The following MICU3 variants were observed in gnomAD, a reference collection of about 807,000 sequenced individuals.
The protein encoded by MICU3 is mitochondrial calcium uptake 3, also known as calcium uptake protein 3, mitochondrial.
Under a neutral mutation model 66.5 loss-of-function variants are expected in MICU3, and 62 were observed. The observed-to-expected ratio is 0.93, with a 90% CI of 0.76 to 1.15. MICU3 has a LOEUF of 1.15. Ranked by LOEUF, MICU3 falls within the 50% of genes most tolerant of loss-of-function variation. MICU3 has a pLI of 0.00. For synonymous variants in MICU3, 308 were observed against 240.7 expected (o/e 1.28, Z -2.59); for missense variants, 779 against 664.4 (o/e 1.17, Z -1.90).
chr8:17,098,035 T>C (rs1036990176), intron 8 of MICU3, among the ~76,000 whole-genome samples: 3 of 151,758 alleles, frequency 2.0e-5, no homozygotes, highest in Admixed American at 6.6e-5. Context: ...TTTGATACAC[T>C]AGCAAGATAA....
chr8:17,062,123 A>C (rs1365737553), intron 1 of MICU3, among the ~76,000 whole-genome samples: 1 of 152,124 alleles, frequency 6.6e-6, no homozygotes, highest in Non-Finnish European at 1.5e-5. Flanking sequence ...TCCTTTTACT[A>C]CACTTCTCCA....
At position 17,077,773 on chromosome 8, in the gene MICU3, T is replaced by A; in HGVS notation, c.568-10T>A. The A allele has an allele frequency of 6.3e-7, 1 of 1,598,254 alleles. No homozygotes were observed. The highest frequency in any genetic ancestry group is 2.2e-5 in the East Asian group (1 of 44,666). ...TTACCAATTCATCAGTAGTATAACT[T>A]CTGTCATAGGAATTAAATCAAATGC... On this transcript the variant is annotated splice_polypyrimidine_tract_variant and intron_variant, in intron 3 of 14. Transcript: ENST00000318063.
intron 5 of MICU3, among the ~76,000 whole-genome samples, chr8:17,083,760 C>A (rs757257089): frequency 6.6e-6 from 1 of 152,040 alleles, no homozygotes. Context: ...ATGATGCTAT[C>A]CTGAGAATGA....
intron 1 of MICU3, among the ~76,000 whole-genome samples, chr8:17,033,144 C>G (rs991555330): frequency 6.6e-6 from 1 of 152,152 alleles, no homozygotes. Flanking sequence ...GGAAGAGTTG[C>G]ACATCTCTCA....
At position 17,049,529 on chromosome 8, in the gene MICU3, A is replaced by G. The variant is rs117998062; in HGVS notation, c.382-14555A>G. 3,324 of 503,350 alleles carry G rather than the reference A, an allele frequency of 6.6e-3. 19 individuals carry two copies. Among genetic ancestry groups the G allele is most frequent in the Non-Finnish European group, 8.9e-3 (2,253 of 252,712 alleles). The allele number at this position is 503,350 out of a possible 1,614,324, so 31.2% of individuals were successfully genotyped here. A position where few individuals can be genotyped will look rare whatever the true frequency, so the allele number is the denominator to read the frequency against. On this transcript the variant is annotated intron_variant, in intron 1 of 14. Transcript: ENST00000318063. ...GGCTTAGTATTTATTTGTCCATTTT[A>G]TAGTTGAAAATGCTAAAGTTTGCAG...
At chr8:17,076,261 T>C (rs1010822515) in intron 3 of MICU3, among the ~76,000 whole-genome samples, 4 of 152,042 alleles carry the variant, frequency 2.6e-5, no homozygotes, top group Non-Finnish European at 5.9e-5. Flanking sequence ...TCTAAAACTC[T>C]TGGATTCAAG....
At chr8:17,049,965 G>C (rs1004381523) in intron 1 of MICU3, among the ~76,000 whole-genome samples, 9 of 151,702 alleles carry the variant, frequency 5.9e-5, no homozygotes, top group Non-Finnish European at 1.0e-4. Context: ...TTCTATGGTA[G>C]CACCTCTAGA....
chr8:17,033,371 A>C (rs564072741), intron 1 of MICU3, among the ~76,000 whole-genome samples: 1 of 152,326 alleles, frequency 6.6e-6, no homozygotes, highest in Admixed American at 6.5e-5. Context: ...TTAGTGGTCT[A>C]TGTAGAAGAC....
rs1818691471 is a variant in MICU3, at chr8:17,066,461, T to C, written c.535+2224T>C. On this transcript the variant is annotated intron_variant, in intron 2 of 14. Transcript: ENST00000318063. ...ATGCTAAATGGTATTTTATATCAAATTCTATAATTTTTTCAAACATATTTG... is the reference window on the plus strand; with the variant it reads ...ATGCTAAATGGTATTTTATATCAAACTCTATAATTTTTTCAAACATATTTG... Among the ~76,000 whole-genome samples the C allele has an allele frequency of 4.0e-5, 6 of 148,468 alleles. No homozygotes were observed. The South Asian group carries it at 1.3e-3, about 32-fold the overall frequency.
intron 1 of MICU3, among the ~76,000 whole-genome samples, chr8:17,034,262 G>C (rs1812586178): frequency 6.6e-6 from 1 of 152,118 alleles, no homozygotes; most frequent in Non-Finnish European, 1.5e-5. Context: ...ATTGAGACCT[G>C]CTGCTTAGAA....
chr8:17,039,430 A>G (rs1813645545), intron 1 of MICU3, among the ~76,000 whole-genome samples: 1 of 152,236 alleles, frequency 6.6e-6, no homozygotes, highest in African/African-American at 2.4e-5. Flanking sequence ...TTGTATGAGA[A>G]GCTAAATAGC....
At chr8:17,133,801 T>G in the MICU3 span, among the ~76,000 whole-genome samples, 2 of 152,156 alleles carry the variant, frequency 1.3e-5, no homozygotes, top group Non-Finnish European at 2.9e-5. Context: ...TTTTAAATAT[T>G]TAAAAAGATT....
rs1471251749 is a variant in MICU3 at position 17,116,724 on chromosome 8, A to G, written c.1524+124A>G. 5.6e-6 allele frequency: 4 copies of G among 716,882 alleles called. No homozygotes were observed. In the South Asian group the frequency reaches 7.4e-5, roughly 13 times the overall value. 44.4% of individuals were successfully genotyped at this position (716,882 alleles called of 1,614,324 possible). ...ATATAAACATGAATGCTTTATTTGA[A>G]AAGAAAAAACATAGGCCTTACTTCC... On this transcript the variant is annotated intron_variant, in intron 13 of 14. Coordinates refer to ENST00000318063, the MANE Select transcript of MICU3 (RefSeq NM_181723.3).
chr8:17,060,256 A>G (rs567311255), intron 1 of MICU3, among the ~76,000 whole-genome samples: 2 of 151,404 alleles, frequency 1.3e-5, no homozygotes, highest in Admixed American at 6.6e-5. Context: ...CTATTCTGGG[A>G]TCAGACCAAT....
chr8:17,138,391 C>A, the MICU3 span, among the ~76,000 whole-genome samples: 6 of 152,116 alleles, frequency 3.9e-5, no homozygotes, highest in African/African-American at 7.2e-5. Flanking sequence ...TACCTTCAAC[C>A]GTCATGGCAG....
chr8:17,081,059 C>A (rs1821108552), intron 4 of MICU3, among the ~76,000 whole-genome samples: 2 of 151,980 alleles, frequency 1.3e-5, no homozygotes, highest in African/African-American at 4.8e-5. Context: ...AAAAGCACTC[C>A]TTTTGAAATT....
Position 17,027,273 on chromosome 8 carries a change from C to T in MICU3, c.-7C>T, listed in dbSNP as rs1469216654. ...CCCTCCCAGCTCTGGTGTGGGCGGC[C>T]TCCGCTATGGCTGCGCTGCGAAGGC... is the stretch of plus-strand genomic sequence containing the variant. On this transcript the variant is annotated 5_prime_UTR_variant, in exon 1 of 15. Coordinates refer to ENST00000318063, the MANE Select transcript of MICU3 (RefSeq NM_181723.3). 3 of 1,189,124 alleles carry T rather than the reference C, an allele frequency of 2.5e-6. No individual in the cohort carries two copies. Among genetic ancestry groups the T allele is most frequent in the East Asian group, 7.6e-5 (1 of 13,168 alleles). The allele number at this position is 1,189,124 out of a possible 1,614,324, so 73.7% of individuals were successfully genotyped here.
At chr8:17,027,699 G>T in intron 1 of MICU3, 39 bp downstream of exon 1, 1 of 1,263,592 alleles carries the variant, frequency 7.9e-7, no homozygotes, top group South Asian at 3.0e-5. Flanking sequence ...CGCGGGGGAT[G>T]TGACCTTCGT....
chr8:17,039,531 A>G (rs1002389174), intron 1 of MICU3, among the ~76,000 whole-genome samples: 2 of 152,188 alleles, frequency 1.3e-5, no homozygotes, highest in African/African-American at 4.8e-5. Flanking sequence ...CAATGATTTG[A>G]GTAGAGATTA....
Sources: gnomAD v4.1 joint callset for allele counts (sites outside exome capture counted in the v4.1 genomes callset) on GRCh38, gnomAD v4.1.1 for gene constraint, MANE v1.5 for transcripts, NCBI Gene and HGNC (gene_info 2026-07-23, HGNC 2026-07-21) for gene names.